Variants in SORCS3 observed in about 807,000 individuals in gnomAD.
SORCS3 encodes the protein VPS10 domain-containing receptor SorCS3.
In SORCS3, 57 loss-of-function variants were observed where a neutral mutation model predicts 146.3. The ratio of observed to expected loss-of-function variants is 0.39; its 90% confidence interval spans 0.31 to 0.49. SORCS3 has a LOEUF of 0.49. SORCS3 is among the 20% of genes least tolerant of loss of function. SORCS3 has a pLI of 0.92. For missense variants in SORCS3, 1,341 were observed against 1,575.5 expected (o/e 0.85, Z 2.52); for synonymous variants, 653 against 618.5 (o/e 1.06, Z -0.83).
Position 105,262,400 on chromosome 10 carries a change from G to A in SORCS3, c.3513G>A (p.Val1171=). ...HDKEQEMIGS[V]SQSENAPKIT... is the part of the protein sequence containing the mutation. ...AGGAGCAGGAGATGATTGGGTCAGT[G>A]AGCCAAAGTGAAAACGCCCCCAAAA... The change falls in exon 26 of 27, where the codon GTG becomes GTA. Residue 1171 remains valine, a synonymous_variant. Transcript: ENST00000369701. The A allele has an allele frequency of 6.2e-7, 1 of 1,614,056 alleles. No individual in the cohort carries two copies. The highest frequency in any genetic ancestry group is 8.5e-7 in the Non-Finnish European group (1 of 1,179,966).
intron 4 of SORCS3, among the ~76,000 whole-genome samples, chr10:104,980,212 A>G (rs1349174555): frequency 1.3e-5 from 2 of 152,212 alleles, no homozygotes; most frequent in African/African-American, 4.8e-5. Context: ...TTCTAGATAT[A>G]TTATTCCTTA....
At chr10:104,678,985 A>G (rs1057031999) in intron 1 of SORCS3, among the ~76,000 whole-genome samples, 1 of 152,234 alleles carries the variant, frequency 6.6e-6, no homozygotes, top group African/African-American at 2.4e-5. Context: ...AGACTTTGGG[A>G]ATGAAAGTTC....
At chr10:104,668,913 A>T (rs1456025279) in intron 1 of SORCS3, among the ~76,000 whole-genome samples, 1 of 152,242 alleles carries the variant, frequency 6.6e-6, no homozygotes, top group East Asian at 1.9e-4. Context: ...GGACTGTTAA[A>T]GCAAATTAAA....
intron 3 of SORCS3, among the ~76,000 whole-genome samples, chr10:104,925,854 A>G (rs2019139473): frequency 6.6e-6 from 1 of 152,242 alleles, no homozygotes. Flanking sequence ...GGACTTTCAA[A>G]TTGCTCCTAT....
At chr10:104,659,229 T>C (rs1385638719) in intron 1 of SORCS3, among the ~76,000 whole-genome samples, 2 of 152,220 alleles carry the variant, frequency 1.3e-5, no homozygotes, top group Non-Finnish European at 2.9e-5. Flanking sequence ...TTGTTCCCTC[T>C]AAGGTCCTCT....
intron 25 of SORCS3, among the ~76,000 whole-genome samples, chr10:105,258,780 G>A (rs1253285963): frequency 6.6e-6 from 1 of 152,100 alleles, no homozygotes; most frequent in African/African-American, 2.4e-5. Context: ...GTAGTTCCCA[G>A]GTATCAGCCC....
At chr10:105,205,658 G>A (rs751117421) in intron 16 of SORCS3, among the ~76,000 whole-genome samples, 3 of 152,146 alleles carry the variant, frequency 2.0e-5, no homozygotes, top group South Asian at 2.1e-4. Flanking sequence ...AGTGAGAAAC[G>A]AGGTTGAACC....
intron 4 of SORCS3, among the ~76,000 whole-genome samples, chr10:105,039,892 A>G (rs1275850994): frequency 3.9e-5 from 6 of 152,148 alleles, no homozygotes; most frequent in Admixed American, 3.9e-4. Context: ...AGACTCTAAC[A>G]GTGTCAGTGT....
At chr10:105,023,965 G>T (rs552681692) in intron 4 of SORCS3, among the ~76,000 whole-genome samples, 1 of 152,272 alleles carries the variant, frequency 6.6e-6, no homozygotes, top group African/African-American at 2.4e-5. Context: ...ATGCAGAGTA[G>T]TTCCAATTCA....
chr10:104,940,637 C>T (rs2019311489), intron 3 of SORCS3, among the ~76,000 whole-genome samples: 1 of 152,026 alleles, frequency 6.6e-6, no homozygotes, highest in Non-Finnish European at 1.5e-5. Flanking sequence ...TTAATCCACT[C>T]TATCATTGAT....
intron 1 of SORCS3, among the ~76,000 whole-genome samples, chr10:104,672,376 GA>G (rs1176829313): frequency 6.6e-6 from 1 of 151,922 alleles, no homozygotes; most frequent in Non-Finnish European, 1.5e-5. Context: ...TTAGTCTAGT[GA>G]GGTAAATATT....
At chr10:104,845,104 C>T (rs1350663573) in intron 2 of SORCS3, among the ~76,000 whole-genome samples, 1 of 152,174 alleles carries the variant, frequency 6.6e-6, no homozygotes, top group Non-Finnish European at 1.5e-5. Context: ...CTAGTGCTCC[C>T]AGGTGACAGG....
intron 1 of SORCS3, among the ~76,000 whole-genome samples, chr10:104,813,934 T>C (rs899879341): frequency 2.0e-5 from 3 of 150,624 alleles, no homozygotes; most frequent in African/African-American, 7.3e-5. Flanking sequence ...TCTTTCTTTT[T>C]TTTTTTTTTT....
intron 1 of SORCS3, among the ~76,000 whole-genome samples, chr10:104,710,974 A>G (rs954767189): frequency 1.5e-4 from 23 of 152,334 alleles, no homozygotes; most frequent in African/African-American, 4.6e-4. Context: ...CGTTTCCAGG[A>G]TCATCCATTG....
At chr10:105,076,046 G>A (rs1433788424) in intron 5 of SORCS3, among the ~76,000 whole-genome samples, 2 of 152,168 alleles carry the variant, frequency 1.3e-5, no homozygotes, top group African/African-American at 4.8e-5. Flanking sequence ...GTCTCTGTAT[G>A]TTCCATAAAG....
chr10:105,243,069 A>G (rs2056846293), intron 20 of SORCS3, among the ~76,000 whole-genome samples: 1 of 137,768 alleles, frequency 7.3e-6, no homozygotes, highest in African/African-American at 2.7e-5. Flanking sequence ...ATTTATATAT[A>G]TTTATATATA....
At chr10:105,131,703 G>A (rs776730194) in intron 7 of SORCS3, among the ~76,000 whole-genome samples, 86 of 152,196 alleles carry the variant, frequency 5.7e-4, no homozygotes, top group Non-Finnish European at 1.1e-3. Flanking sequence ...TTGGCTTCTA[G>A]GGAGACCTCA....
intron 2 of SORCS3, among the ~76,000 whole-genome samples, chr10:104,883,093 C>T (rs2018647054): frequency 1.3e-5 from 2 of 152,156 alleles, no homozygotes; most frequent in Admixed American, 1.3e-4. Context: ...CAGAGCAGAG[C>T]AGTGGATGTC....
intron 1 of SORCS3, among the ~76,000 whole-genome samples, chr10:104,745,111 A>G (rs1048679346): frequency 2.0e-5 from 3 of 152,220 alleles, no homozygotes; most frequent in African/African-American, 7.2e-5. Flanking sequence ...TTCCATTTGC[A>G]TGGTGAACGT....
Sources: allele counts gnomAD v4.1 joint callset (sites outside exome capture counted in the v4.1 genomes callset), GRCh38; gene constraint gnomAD v4.1.1; transcripts MANE v1.5; gene names NCBI Gene and HGNC (gene_info 2026-07-23, HGNC 2026-07-21).